The following POU6F1 variants were observed in gnomAD, a reference collection of about 807,000 sequenced individuals.
POU6F1 encodes POU class 6 homeobox 1.
Under a neutral mutation model 28.9 loss-of-function variants are expected in POU6F1, and 9 were observed. The observed-to-expected ratio is 0.31, with a 90% CI of 0.19 to 0.54. The LOEUF (loss-of-function observed/expected upper bound fraction) is 0.54. POU6F1 is among the 20% of genes least tolerant of loss of function. The probability of loss-of-function intolerance (pLI) is 0.94; values close to 1 mark genes in which losing one functional copy is unlikely to be tolerated. For synonymous variants in POU6F1, 173 were observed against 171.1 expected, an observed-to-expected ratio of 1.01 and a Z score of -0.09; for missense variants, 338 against 426.1, an observed-to-expected ratio of 0.79 and a Z score of 1.82.
In POU6F1 at chr12:51,203,785, AAGG is replaced by A. The variant is rs140072843; in HGVS notation, c.244+385_244+387del. Among the ~76,000 whole-genome samples the A allele has an allele frequency of 5.3e-3, 803 of 152,254 alleles. 7 individuals carry two copies. Among genetic ancestry groups the A allele is most frequent in the African/African-American group, 0.018 (767 of 41,534 alleles). On this transcript the variant is annotated intron_variant, in intron 3 of 10. Transcript: ENST00000333640. ...AAAGGAGGCCCAAGGCTTCCTGCAG[AAGG>A]AGATGACTACTCTGCAAGGTGTTAA...
rs148436435 is a variant in POU6F1, at chr12:51,215,643, C to T, written c.-48+1999G>A. ...AGACCACACTGGCCCCTTCCTAAAG[C>T]GCCCGTCTAATTTCTCATTCCAAGC... On this transcript the variant is annotated intron_variant, in intron 1 of 10. Transcript: ENST00000333640. Among the ~76,000 whole-genome samples the T allele has an allele frequency of 8.8e-4, 134 of 151,528 alleles. 1 individual carries two copies. Among genetic ancestry groups the T allele is most frequent in the Middle Eastern group, 3.4e-3 (1 of 292 alleles).
intron 1 of POU6F1, among the ~76,000 whole-genome samples, chr12:51,208,834 G>A (rs1014515930): frequency 1.2e-4 from 19 of 152,134 alleles, no homozygotes; most frequent in African/African-American, 3.9e-4. Context: ...CTACTCAGGA[G>A]ATTGAGGCAG....
At position 51,199,950 on chromosome 12, in the gene POU6F1, C is replaced by T. The variant is rs961379725; in HGVS notation, c.245-82G>A. On this transcript the variant is annotated intron_variant, in intron 3 of 10. Coordinates refer to ENST00000333640, the MANE Select transcript of POU6F1 (RefSeq NM_001330422.2). The surrounding 1 kb of genome is among the most constrained non-coding windows in gnomAD (Gnocchi z 4.1). ...GGTCACCACAGCAGTACATGACATCCCATCTGCAGCCTGAAGCGGGGACCC... is the reference window on the plus strand; with the variant it reads ...GGTCACCACAGCAGTACATGACATCTCATCTGCAGCCTGAAGCGGGGACCC... 1.5e-5 allele frequency: 6 copies of T among 399,186 alleles called. No homozygotes were observed. Among genetic ancestry groups the T allele is most frequent in the East Asian group, 1.1e-4 (3 of 28,082 alleles). The allele number at this position is 399,186 out of a possible 1,614,324, so 24.7% of individuals were successfully genotyped here. A position where few individuals can be genotyped will look rare whatever the true frequency, so the allele number is the denominator to read the frequency against.
Position 51,212,064 on chromosome 12 carries a change from T to G in POU6F1, c.-47-5181A>C, listed in dbSNP as rs7953168. Among the ~76,000 whole-genome samples, 1,032 of 132,194 alleles carry G rather than the reference T, an allele frequency of 7.8e-3. 12 individuals are homozygous for G. The highest frequency in any genetic ancestry group is 0.03 in the African/African-American group (950 of 31,232). The allele number at this position is 132,194 out of a possible 152,430, so 86.7% of individuals were successfully genotyped here. On this transcript the variant is annotated intron_variant, in intron 1 of 10. Transcript: ENST00000333640. ...AATCCTGAAATGCCTTGCCTTTCGT[T>G]TTTTTTTTTGTTTTTTTTGTTTTGT... is the stretch of plus-strand genomic sequence containing the variant.
In POU6F1 at chr12:51,217,412, CG is replaced by C. The variant is rs1306243859; in HGVS notation, c.-48+229del. Among the ~76,000 whole-genome samples the C allele has an allele frequency of 6.6e-6, 1 of 151,992 alleles. No individual in the cohort carries two copies. Among genetic ancestry groups the C allele is most frequent in the Non-Finnish European group, 1.5e-5 (1 of 67,966 alleles). ...CGCGGGCGGGCGAGGGCGCGGCCCC[CG>C]GGTGTCTAGCCCCAGCTGGGCAACC... On this transcript the variant is annotated intron_variant, in intron 1 of 10. Coordinates refer to ENST00000333640, the MANE Select transcript of POU6F1 (RefSeq NM_001330422.2). The surrounding 1 kb of genome is among the most constrained non-coding windows in gnomAD (Gnocchi z 5.3).
chr12:51,196,909 C>A lies in POU6F1; in HGVS notation c.865G>T (p.Gly289Trp), dbSNP rs532199072. ...SPGIISAASL[G>W]GQTQILGSLT... ...GACCCCAGGATCTGGGTCTGTCCCC[C>A]GAGGGAAGCAGCACTGATCTGTGGG... Residue 289 changes from glycine (G) to tryptophan (W), a missense_variant, in exon 7 of 11, where the codon GGG (glycine) becomes TGG (tryptophan). By Grantham distance (184) the Gly-to-Trp change is radical. Around this residue, in one of 3 missense-constraint regions of POU6F1, gnomAD observed 206 missense variants for 225.6 expected, o/e 0.91. Coordinates refer to ENST00000333640, the MANE Select transcript of POU6F1 (RefSeq NM_001330422.2). 2 of 1,597,814 alleles carry A rather than the reference C, an allele frequency of 1.3e-6. No individual in the cohort carries two copies. Among genetic ancestry groups the A allele is most frequent in the East Asian group, 2.2e-5 (1 of 44,802 alleles).
At chr12:51,205,130 C>T (rs373822544) in intron 2 of POU6F1, among the ~76,000 whole-genome samples, 1 of 151,674 alleles carries the variant, frequency 6.6e-6, no homozygotes, top group Non-Finnish European at 1.5e-5. Flanking sequence ...GCTCCACCCC[C>T]CCGGGTTCAC....
At chr12:51,208,304 AAGAG>A (rs747007722) in intron 1 of POU6F1, among the ~76,000 whole-genome samples, 2 of 150,868 alleles carry the variant, frequency 1.3e-5, no homozygotes, top group South Asian at 2.1e-4. Context: ...TGTCTCAAAA[AAGAG>A]AGAGAGAGAG....
chr12:51,205,557 CAA>C (rs1943538083), intron 2 of POU6F1, among the ~76,000 whole-genome samples: 1 of 152,234 alleles, frequency 6.6e-6, no homozygotes, highest in South Asian at 2.1e-4. Context: ...GAATCAGAGA[CAA>C]AGTCTGTAAA....
rs983535165 is a variant in POU6F1, at chr12:51,190,850, A to G, written c.1491-258T>C. Among the ~76,000 whole-genome samples, 39 of 152,034 alleles carry G rather than the reference A, an allele frequency of 2.6e-4. No individual in the cohort carries two copies. Among genetic ancestry groups the G allele is most frequent in the African/African-American group, 7.3e-4 (30 of 41,374 alleles). On this transcript the variant is annotated intron_variant, in intron 10 of 10. Transcript: ENST00000333640. This position sits in a 1 kb window ranked among gnomAD's most constrained non-coding sequence, Gnocchi z 4.5. ...TCGGCTCAGTCAGTAGTGGAATAAT[A>G]ATAGTGCAACTGCCTTACAAACAAC... is the stretch of plus-strand genomic sequence containing the variant.
At chr12:51,208,486 A>C (rs1943774278) in intron 1 of POU6F1, among the ~76,000 whole-genome samples, 2 of 152,196 alleles carry the variant, frequency 1.3e-5, no homozygotes, top group African/African-American at 4.8e-5. Context: ...TATTATCCGC[A>C]TGTTACAGAT....
intron 1 of POU6F1, among the ~76,000 whole-genome samples, chr12:51,212,061 CGTTTTTTTTTT>C (rs768247063): frequency 7.0e-6 from 1 of 142,964 alleles, no homozygotes; most frequent in East Asian, 2.8e-4. Context: ...CCTTGCCTTT[CGTTTTTTTTTT>C]TGTTTTTTTT....
At chr12:51,206,118 CTTT>C (rs1253916141) in intron 2 of POU6F1, among the ~76,000 whole-genome samples, 2 of 144,952 alleles carry the variant, frequency 1.4e-5, no homozygotes, top group African/African-American at 5.0e-5. Context: ...CGTGCCTGGC[CTTT>C]TTTTCTCCTT....
At chr12:51,214,229 T>TGATATGA in intron 1 of POU6F1, among the ~76,000 whole-genome samples, 1 of 152,222 alleles carries the variant, frequency 6.6e-6, no homozygotes, top group East Asian at 1.9e-4. Context: ...GTTATGATGG[T>TGATATGA]GATATGAGAT....
chr12:51,195,938 G>GGGC, intron 8 of POU6F1, 32 bp downstream of exon 8: 1 of 916,160 alleles, frequency 1.1e-6, no homozygotes, highest in Non-Finnish European at 1.7e-6. Flanking sequence ...AGCAGAGCCT[G>GGGC]CCCCACCCCC....
In POU6F1 at chr12:51,192,319, G is replaced by A. The variant is rs770452611; in HGVS notation, c.1321+11C>T. On this transcript the variant is annotated intron_variant, in intron 9 of 10. Coordinates refer to ENST00000333640, the MANE Select transcript of POU6F1 (RefSeq NM_001330422.2). ...CCACTTCTCCACACTACTTCTCCAG[G>A]AGCCACTTACTGGACACCAACTGGC... 30 of 1,613,474 alleles carry A rather than the reference G, an allele frequency of 1.9e-5. No individual in the cohort carries two copies. The African/African-American group carries it at 3.5e-4, about 19-fold the overall frequency.
chr12:51,197,433 A>G (rs923768170), intron 6 of POU6F1, among the ~76,000 whole-genome samples: 1 of 152,210 alleles, frequency 6.6e-6, no homozygotes, highest in African/African-American at 2.4e-5. Flanking sequence ...TACACTGGAC[A>G]GACACCAGCA....
chr12:51,200,620 A>G (rs1294661598), intron 3 of POU6F1, among the ~76,000 whole-genome samples: 6 of 152,192 alleles, frequency 3.9e-5, no homozygotes, highest in Admixed American at 1.3e-4. Flanking sequence ...TATTTAATAT[A>G]TGGTTAGTTA....
intron 1 of POU6F1, among the ~76,000 whole-genome samples, chr12:51,211,572 G>C (rs774300934): frequency 3.9e-5 from 6 of 152,086 alleles, no homozygotes; most frequent in Non-Finnish European, 7.4e-5. Context: ...GGGAGACTCT[G>C]TCTCTACAAA....
Sources: gnomAD v4.1 joint callset for allele counts (sites outside exome capture counted in the v4.1 genomes callset) on GRCh38, gnomAD v4.1.1 for gene constraint, gnomAD v4.1.1 regional missense constraint, Gnocchi (gnomAD v3.1) non-coding constraint, MANE v1.5 for transcripts, NCBI Gene and HGNC (gene_info 2026-07-23, HGNC 2026-07-21) for gene names.